The following SPOPL variants were observed in gnomAD, a reference collection of about 807,000 sequenced individuals.
SPOPL encodes speckle type BTB/POZ protein like.
SPOPL carries 23 observed loss-of-function variants against 53.8 expected under a neutral mutation model. That is an observed-to-expected ratio of 0.43 (90% CI 0.31 to 0.61). The LOEUF (loss-of-function observed/expected upper bound fraction) is 0.61, where lower values mean the gene tolerates loss of function less well. Ranked by LOEUF, SPOPL falls within the 20% of genes least tolerant of loss-of-function variation. The pLI is 0.12. For synonymous variants in SPOPL, 164 were observed against 149.7 expected, an observed-to-expected ratio of 1.10 and a Z score of -0.70; for missense variants, 442 against 466.9, an observed-to-expected ratio of 0.95 and a Z score of 0.49.
intron 1 of SPOPL, among the ~76,000 whole-genome samples, chr2:138,545,696 C>A (rs1685179732): frequency 6.6e-6 from 1 of 152,110 alleles, no homozygotes. Flanking sequence ...ACCTCGGCCT[C>A]CCAAAGTGCT....
intron 10 of SPOPL, among the ~76,000 whole-genome samples, chr2:138,565,303 G>A (rs1685637251): frequency 6.6e-6 from 1 of 152,114 alleles, no homozygotes; most frequent in African/African-American, 2.4e-5. Context: ...CAAAAAGTGT[G>A]GGAAATAATT....
intron 1 of SPOPL, among the ~76,000 whole-genome samples, chr2:138,532,817 T>G (rs1309108498): frequency 6.6e-6 from 1 of 152,090 alleles, no homozygotes; most frequent in Non-Finnish European, 1.5e-5. Context: ...CTCTAGAATC[T>G]TGTGACCTTT....
chr2:138,568,855 C>A, intron 10 of SPOPL, 81 bp from the exon 11 acceptor site: 1 of 1,464,174 alleles, frequency 6.8e-7, no homozygotes, highest in Non-Finnish European at 9.3e-7. Context: ...TTGAAATTTG[C>A]AAGTTTTTAA....
At chr2:138,532,831 C>T (rs1167202438) in intron 1 of SPOPL, among the ~76,000 whole-genome samples, 1 of 152,008 alleles carries the variant, frequency 6.6e-6, no homozygotes, top group Non-Finnish European at 1.5e-5. Flanking sequence ...GACCTTTTGT[C>T]CTGATTGCTT....
At chr2:138,529,528 GTGTGTGTTT>G (rs1684756354) in intron 1 of SPOPL, among the ~76,000 whole-genome samples, 2 of 101,166 alleles carry the variant, frequency 2.0e-5, no homozygotes, top group African/African-American at 5.6e-5. Flanking sequence ...GTGTGTGTGT[GTGTGTGTTT>G]GCGTGCGCGC....
chr2:138,510,649 T>C (rs757055585), intron 1 of SPOPL, among the ~76,000 whole-genome samples: 1 of 152,238 alleles, frequency 6.6e-6, no homozygotes, highest in Non-Finnish European at 1.5e-5. Context: ...TGTATCACTT[T>C]ATAATACCCC....
At chr2:138,547,505 C>G (rs1320201040) in intron 1 of SPOPL, among the ~76,000 whole-genome samples, 1 of 151,894 alleles carries the variant, frequency 6.6e-6, no homozygotes, top group African/African-American at 2.4e-5. Flanking sequence ...TCTTTGATTT[C>G]TTTCAATTTA....
chr2:138,518,137 A>G (rs1229373275), intron 1 of SPOPL, among the ~76,000 whole-genome samples: 4 of 151,562 alleles, frequency 2.6e-5, no homozygotes, highest in Non-Finnish European at 1.5e-5. Context: ...TGACTCTATT[A>G]TGATTTTGTT....
intron 8 of SPOPL, 119 bp downstream of exon 8, chr2:138,561,046 A>G: frequency 2.5e-6 from 3 of 1,215,132 alleles, no homozygotes; most frequent in Non-Finnish European, 1.1e-6. Context: ...TGAGAGCTTT[A>G]TGAAATAGCA....
At position 138,571,273 on chromosome 2, in the gene SPOPL, A is replaced by G. The variant is rs1000984635; in HGVS notation, c.*2193A>G. 3 of 152,538 alleles carry G rather than the reference A, an allele frequency of 2.0e-5. No individual in the cohort carries two copies. Among genetic ancestry groups the G allele is most frequent in the Admixed American group, 2.0e-4 (3 of 15,256 alleles). The allele number at this position is 152,538 out of a possible 1,614,324, so 9.4% of individuals were successfully genotyped here. On this transcript the variant is annotated 3_prime_UTR_variant, in exon 11 of 11. Transcript: ENST00000280098. ...ACACCGGCACATTGTGATTTAATTC[A>G]CCGCTTGAATCTATATTTCTAACCA...
intron 1 of SPOPL, among the ~76,000 whole-genome samples, chr2:138,525,685 A>G (rs916493286): frequency 1.1e-4 from 17 of 150,532 alleles, no homozygotes; most frequent in African/African-American, 4.1e-4. Context: ...TACACAAAAA[A>G]CAATTAGCAA....
At chr2:138,561,120 C>G (rs911884726) in intron 8 of SPOPL, among the ~76,000 whole-genome samples, 193 bp downstream of exon 8, 3 of 151,910 alleles carry the variant, frequency 2.0e-5, no homozygotes, top group Non-Finnish European at 4.4e-5. Flanking sequence ...GTATCTTGAG[C>G]CAGAAGGAAG....
At chr2:138,565,078 A>G in intron 10 of SPOPL, 85 bp downstream of exon 10, 2 of 1,503,762 alleles carry the variant, frequency 1.3e-6, no homozygotes, top group Non-Finnish European at 1.8e-6. Flanking sequence ...ATCTACAATA[A>G]GTATGAATCC....
At chr2:138,542,244 A>G (rs983152672) in intron 1 of SPOPL, among the ~76,000 whole-genome samples, 1 of 152,192 alleles carries the variant, frequency 6.6e-6, no homozygotes, top group African/African-American at 2.4e-5. Context: ...GTAGATGTCT[A>G]TTAGGTCTGC....
In SPOPL at chr2:138,515,552, A is replaced by G. The variant is rs376338889; in HGVS notation, c.-61+13433A>G. 3.9e-4 allele frequency among the ~76,000 whole-genome samples: 60 copies of G among 152,302 alleles called. 1 individual carries two copies. The South Asian group carries it at 0.012, about 30-fold the overall frequency. On this transcript the variant is annotated intron_variant, in intron 1 of 10. Coordinates refer to ENST00000280098, the MANE Select transcript of SPOPL (RefSeq NM_001001664.3). ...TTTAAATTTCACAGAAGTGTTGCTA[A>G]GCTGTATTTTTTGTCATTTTGTAGT...
Position 138,564,700 on chromosome 2 carries a change from T to A in SPOPL, c.838-8T>A, listed in dbSNP as rs544786611. 5 of 1,613,260 alleles carry A rather than the reference T, an allele frequency of 3.1e-6. No individual in the cohort carries two copies. In the African/African-American group the frequency reaches 6.7e-5, roughly 22 times the overall value. ...AATGTTTAATGGTTATGTTTTCATT[T>A]TGGATAGTATGCACTGGAACGGCTG... On this transcript the variant is annotated splice_polypyrimidine_tract_variant and splice_region_variant and intron_variant, in intron 8 of 10. Transcript: ENST00000280098.
At chr2:138,566,109 T>C (rs1484797218) in intron 10 of SPOPL, among the ~76,000 whole-genome samples, 1 of 152,220 alleles carries the variant, frequency 6.6e-6, no homozygotes, top group Non-Finnish European at 1.5e-5. Flanking sequence ...TTTTGATATA[T>C]GTTAAGTTGT....
chr2:138,565,812 C>G (rs548956026), intron 10 of SPOPL, among the ~76,000 whole-genome samples: 29 of 151,348 alleles, frequency 1.9e-4, no homozygotes, highest in Non-Finnish European at 3.2e-4. Flanking sequence ...CGGCTCACTG[C>G]GAGCTCCACC....
intron 5 of SPOPL, among the ~76,000 whole-genome samples, chr2:138,557,041 A>G (rs1685440181): frequency 1.3e-5 from 2 of 152,142 alleles, no homozygotes; most frequent in Non-Finnish European, 2.9e-5. Flanking sequence ...CTGTAGTCCC[A>G]GCTACTCGGG....
Sources: allele counts gnomAD v4.1 joint callset (sites outside exome capture counted in the v4.1 genomes callset), GRCh38; gene constraint gnomAD v4.1.1; transcripts MANE v1.5; gene names NCBI Gene and HGNC (gene_info 2026-07-23, HGNC 2026-07-21).